KCNB2: variants seen among roughly 807,000 people sequenced by gnomAD.
KCNB2 encodes the protein delayed rectifier potassium channel protein.
In KCNB2, 15 loss-of-function variants were observed where a neutral mutation model predicts 61.5. The observed-to-expected ratio is 0.24, with a 90% CI of 0.16 to 0.38. The LOEUF (loss-of-function observed/expected upper bound fraction) is 0.38, where lower values mean the gene tolerates loss of function less well. Ranked by LOEUF, KCNB2 falls within the 10% of genes least tolerant of loss-of-function variation. KCNB2 has a pLI of 1.00. For missense variants in KCNB2, 828 were observed against 1,125.2 expected, an observed-to-expected ratio of 0.74 and a Z score of 3.78; for synonymous variants, 457 against 446.0, an observed-to-expected ratio of 1.02 and a Z score of -0.31.
intron 2 of KCNB2, among the ~76,000 whole-genome samples, chr8:72,724,425 T>C (rs558279430): frequency 6.6e-6 from 1 of 152,332 alleles, no homozygotes; most frequent in African/African-American, 2.4e-5. Context: ...AAATATGCCA[T>C]AAGATTTTGA....
chr8:72,574,757 A>G (rs998498370), intron 2 of KCNB2, among the ~76,000 whole-genome samples: 4 of 152,254 alleles, frequency 2.6e-5, no homozygotes, highest in African/African-American at 9.6e-5. Flanking sequence ...AAAATAGAGT[A>G]CATCAACAGT....
intron 2 of KCNB2, among the ~76,000 whole-genome samples, chr8:72,857,495 A>G (rs770300510): frequency 1.4e-4 from 21 of 152,080 alleles, no homozygotes; most frequent in Non-Finnish European, 4.4e-5. Context: ...GAGGCTGGAG[A>G]AGTAGGTTGG....
intron 2 of KCNB2, among the ~76,000 whole-genome samples, chr8:72,720,001 T>A (rs1477741841): frequency 6.6e-6 from 1 of 152,206 alleles, no homozygotes; most frequent in Admixed American, 6.5e-5. Context: ...CCTTGATGTC[T>A]ATGAAAAATG....
chr8:72,693,448 G>A (rs1052082390), intron 2 of KCNB2, among the ~76,000 whole-genome samples: 1 of 152,138 alleles, frequency 6.6e-6, no homozygotes, highest in African/African-American at 2.4e-5. Flanking sequence ...AGGGGCTTGA[G>A]AGACTGTGCC....
intron 2 of KCNB2, among the ~76,000 whole-genome samples, chr8:72,719,494 C>T (rs998076501): frequency 6.6e-6 from 1 of 152,058 alleles, no homozygotes; most frequent in African/African-American, 2.4e-5. Context: ...AAATAGATTT[C>T]TTTAGCAATT....
chr8:72,698,982 C>T (rs547567033), intron 2 of KCNB2, among the ~76,000 whole-genome samples: 1 of 152,194 alleles, frequency 6.6e-6, no homozygotes, highest in Admixed American at 6.6e-5. Context: ...GCAATTGCAA[C>T]ATAAACCAAA....
intron 2 of KCNB2, among the ~76,000 whole-genome samples, chr8:72,781,808 G>T (rs1808760918): frequency 6.6e-6 from 1 of 152,166 alleles, no homozygotes; most frequent in Admixed American, 6.5e-5. Flanking sequence ...CATGTCCTTT[G>T]CAGGGACCTG....
intron 2 of KCNB2, among the ~76,000 whole-genome samples, chr8:72,860,343 A>ACTT (rs1210697992): frequency 2.6e-5 from 4 of 152,106 alleles, no homozygotes; most frequent in African/African-American, 9.7e-5. Flanking sequence ...TCCCATCAAC[A>ACTT]CTTGTTATCT....
At position 72,715,083 on chromosome 8, in the gene KCNB2, A is replaced by C. The variant is rs529068282; in HGVS notation, c.579+146770A>C. Reference sequence around the variant, plus strand: ...CAAAGAAGGCCATTACATAATGGTAAAGGGATCAATTCAACAAGAAGAACT... The same window carrying C: ...CAAAGAAGGCCATTACATAATGGTACAGGGATCAATTCAACAAGAAGAACT... On this transcript the variant is annotated intron_variant, in intron 2 of 2. Transcript: ENST00000523207. Among the ~76,000 whole-genome samples the C allele has an allele frequency of 2.4e-4, 37 of 152,342 alleles. 1 individual carries two copies. The South Asian group carries it at 7.3e-3, about 30-fold the overall frequency.
Position 72,901,632 on chromosome 8 carries a change from G to A in KCNB2, c.580-34303G>A, listed in dbSNP as rs118071413. Among the ~76,000 whole-genome samples, 1,269 of 152,154 alleles carry A rather than the reference G, an allele frequency of 8.3e-3. 10 individuals are homozygous for A. Among genetic ancestry groups the A allele is most frequent in the Non-Finnish European group, 0.014 (956 of 67,998 alleles). ...AGTTTATGGTCCTGAAAAACATTTGGGTCATTTACAATCTTTTCTTCTCAC... is the reference window on the plus strand; with the variant it reads ...AGTTTATGGTCCTGAAAAACATTTGAGTCATTTACAATCTTTTCTTCTCAC... On this transcript the variant is annotated intron_variant, in intron 2 of 2. Transcript: ENST00000523207.
chr8:72,927,095 GT>G (rs1302587498), intron 2 of KCNB2, among the ~76,000 whole-genome samples: 1 of 152,114 alleles, frequency 6.6e-6, no homozygotes, highest in African/African-American at 2.4e-5. Flanking sequence ...TTTCCAGCAA[GT>G]TACCACATAA....
At chr8:72,631,352 A>G (rs1449104531) in intron 2 of KCNB2, among the ~76,000 whole-genome samples, 1 of 152,142 alleles carries the variant, frequency 6.6e-6, no homozygotes, top group African/African-American at 2.4e-5. Flanking sequence ...GTGAGGGAGA[A>G]ATCTGTTTAT....
At chr8:72,861,453 A>G (rs1805406394) in intron 2 of KCNB2, among the ~76,000 whole-genome samples, 1 of 152,228 alleles carries the variant, frequency 6.6e-6, no homozygotes, top group Non-Finnish European at 1.5e-5. Flanking sequence ...CTTGAGAGAT[A>G]AAAGCTCACG....
chr8:72,777,782 C>T (rs1808680492), intron 2 of KCNB2, among the ~76,000 whole-genome samples: 1 of 152,114 alleles, frequency 6.6e-6, no homozygotes, highest in Non-Finnish European at 1.5e-5. Flanking sequence ...GACATTCTAC[C>T]ATTTTTAAGA....
At chr8:72,644,764 G>A (rs1806104903) in intron 2 of KCNB2, among the ~76,000 whole-genome samples, 1 of 152,162 alleles carries the variant, frequency 6.6e-6, no homozygotes, top group African/African-American at 2.4e-5. Flanking sequence ...AACTGCTCAT[G>A]TACTTTATCT....
intron 2 of KCNB2, among the ~76,000 whole-genome samples, chr8:72,859,806 G>A (rs570707284): frequency 3.2e-5 from 4 of 123,782 alleles, no homozygotes; most frequent in South Asian, 2.9e-4. Context: ...CGCAACCTCC[G>A]CCCCCTGGGT....
At chr8:72,664,292 T>C (rs909834156) in intron 2 of KCNB2, among the ~76,000 whole-genome samples, 1 of 152,178 alleles carries the variant, frequency 6.6e-6, no homozygotes, top group Non-Finnish European at 1.5e-5. Flanking sequence ...AAAGGTAAAG[T>C]GTCAGCGTCT....
At chr8:72,794,564 CAAA>C (rs397892520) in intron 2 of KCNB2, among the ~76,000 whole-genome samples, 769 of 56,890 alleles carry the variant, frequency 0.014, 6 homozygotes, top group African/African-American at 0.049. Flanking sequence ...GACTCCATCT[CAAA>C]AAAAAAAAAA....
chr8:72,935,634 T>C (rs181697859), intron 2 of KCNB2, among the ~76,000 whole-genome samples: 1 of 152,140 alleles, frequency 6.6e-6, no homozygotes, highest in Non-Finnish European at 1.5e-5. Context: ...AGAGGAGAGA[T>C]AATTACTCCC....
Sources: gnomAD v4.1 joint callset for allele counts (sites outside exome capture counted in the v4.1 genomes callset) on GRCh38, gnomAD v4.1.1 for gene constraint, MANE v1.5 for transcripts, NCBI Gene and HGNC (gene_info 2026-07-23, HGNC 2026-07-21) for gene names.